POMT2: variants seen among roughly 807,000 people sequenced by gnomAD.
POMT2 encodes protein O-mannosyltransferase 2.
Under a neutral mutation model 100.0 loss-of-function variants are expected in POMT2, and 75 were observed. That is an observed-to-expected ratio of 0.75 (90% CI 0.62 to 0.91). The LOEUF (loss-of-function observed/expected upper bound fraction) is 0.91, where lower values mean the gene tolerates loss of function less well. POMT2 is among the 40% of genes least tolerant of loss of function. The pLI is 0.00. For missense variants in POMT2, 940 were observed against 955.1 expected, an observed-to-expected ratio of 0.98 and a Z score of 0.21; for synonymous variants, 378 against 374.1, an observed-to-expected ratio of 1.01 and a Z score of -0.12.
Position 77,291,301 on chromosome 14 carries a change from C to T in POMT2, c.1183+13G>A, listed in dbSNP as rs2140203548. On this transcript the variant is annotated intron_variant, in intron 10 of 20. Transcript: ENST00000261534. The stretch of plus-strand genomic sequence containing the variant: ...GTAACAGCACAAGAAGCATCAGTCT[C>T]TGACCACATTACCTGAGTTTGTGTT... 2 of 1,608,852 alleles carry T rather than the reference C, an allele frequency of 1.2e-6. No homozygotes were observed. The highest frequency in any genetic ancestry group is 2.7e-5 in the African/African-American group (2 of 73,854).
chr14:77,295,194 CCTT>C (rs1238325710), intron 9 of POMT2, among the ~76,000 whole-genome samples: 3 of 152,222 alleles, frequency 2.0e-5, no homozygotes, highest in Admixed American at 2.0e-4. Flanking sequence ...CACAAACACT[CCTT>C]AACATGGACA....
At chr14:77,311,120 T>C (rs549667127) in intron 2 of POMT2, among the ~76,000 whole-genome samples, 1 of 152,152 alleles carries the variant, frequency 6.6e-6, no homozygotes, top group African/African-American at 2.4e-5. Flanking sequence ...GTGGCAAGAG[T>C]GAAACTCTGT....
intron 1 of POMT2, among the ~76,000 whole-genome samples, chr14:77,319,006 G>A (rs543315063): frequency 6.6e-6 from 1 of 152,288 alleles, no homozygotes; most frequent in East Asian, 1.9e-4. Flanking sequence ...AAACTGCCGG[G>A]ATTACAGGTG....
At chr14:77,305,945 C>A (rs1891210725) in intron 3 of POMT2, among the ~76,000 whole-genome samples, 1 of 152,206 alleles carries the variant, frequency 6.6e-6, no homozygotes, top group African/African-American at 2.4e-5. Flanking sequence ...GTAGGCAACA[C>A]TCCAGCAGCT....
intron 13 of POMT2, 141 bp downstream of exon 13, chr14:77,285,340 T>A (rs1890383477): frequency 8.8e-7 from 1 of 1,142,662 alleles, no homozygotes; most frequent in African/African-American, 1.6e-5. Flanking sequence ...ATACACCTGA[T>A]ATCTACTCTC....
At chr14:77,291,156 T>C (rs1041537098) in intron 10 of POMT2, among the ~76,000 whole-genome samples, 158 bp downstream of exon 10, 3 of 152,120 alleles carry the variant, frequency 2.0e-5, no homozygotes, top group African/African-American at 7.2e-5. Flanking sequence ...AGTAGGTGCT[T>C]AATAAATAAT....
intron 3 of POMT2, 78 bp downstream of exon 3, chr14:77,306,259 A>G: frequency 1.3e-6 from 2 of 1,592,124 alleles, no homozygotes; most frequent in Non-Finnish European, 1.7e-6. Flanking sequence ...CCACCACGCC[A>G]GGGCTGCTAA....
intron 1 of POMT2, 74 bp downstream of exon 1, chr14:77,320,360 A>G: frequency 1.3e-6 from 2 of 1,538,416 alleles, no homozygotes; most frequent in Non-Finnish European, 1.7e-6. Context: ...CCCCCTCCGT[A>G]CCCTCGGGCC....
chr14:77,289,398 A>AAAG (rs772833793), intron 10 of POMT2, among the ~76,000 whole-genome samples: 3 of 151,326 alleles, frequency 2.0e-5, no homozygotes, highest in Non-Finnish European at 4.4e-5. Flanking sequence ...CTCCAAAAAA[A>AAAG]AAGAAGAAGA....
chr14:77,304,299 T>C (rs1034112580), intron 4 of POMT2, among the ~76,000 whole-genome samples: 4 of 152,218 alleles, frequency 2.6e-5, no homozygotes, highest in Non-Finnish European at 5.9e-5. Flanking sequence ...TTTACCTTTA[T>C]ATTCAGTTGA....
chr14:77,308,660 A>C (rs1357510899), intron 2 of POMT2: 4 of 380,748 alleles, frequency 1.1e-5, no homozygotes, highest in South Asian at 1.9e-5. Flanking sequence ...CCGGCCAACA[A>C]AGTTTTTAAA....
intron 2 of POMT2, 77 bp downstream of exon 2, chr14:77,311,872 C>G: frequency 6.4e-7 from 1 of 1,554,142 alleles, no homozygotes. Flanking sequence ...AGCCCCAAAT[C>G]CAAAATCAAG....
In POMT2 at chr14:77,320,454, C is replaced by G; in HGVS notation, c.228G>C (p.Leu76Phe). 3 of 1,546,406 alleles carry G rather than the reference C, an allele frequency of 1.9e-6. No individual in the cohort carries two copies. The highest frequency in any genetic ancestry group is 2.6e-6 in the Non-Finnish European group (3 of 1,146,944). ...CTCACCAGATGTGCGGCGGCTCGTC[C>G]AAGCGGTGGAAGCGGGTGGCGAAGG... ...LLSFATRFHRLDEPPHICWDE... is the reference protein window; with the variant it reads ...LLSFATRFHRFDEPPHICWDE... Residue 76 changes from leucine (L) to phenylalanine (F), a missense_variant, in exon 1 of 21, where the codon TTG becomes TTC. Leu to Phe is a conservative substitution (Grantham distance 22). Coordinates refer to ENST00000261534, the MANE Select transcript of POMT2 (RefSeq NM_013382.7).
chr14:77,296,300 G>C, intron 8 of POMT2, 27 bp from the exon 9 acceptor site: 1 of 1,508,932 alleles, frequency 6.6e-7, no homozygotes, highest in Non-Finnish European at 9.1e-7. Context: ...CAGCAGAGGG[G>C]TGAGCTGGCA....
chr14:77,320,611 TG>T lies in POMT2; in HGVS notation c.70del (p.Gln24ArgfsTer41). The T allele has an allele frequency of 6.3e-7, 1 of 1,589,230 alleles. No homozygotes were observed. Among genetic ancestry groups the T allele is most frequent in the Non-Finnish European group, 8.5e-7 (1 of 1,175,550 alleles). The stretch of plus-strand genomic sequence containing the variant: ...GTCCCGGCCTGCGGCCCTAGCAGCC[TG>T]GGGGCCACAGCGGCCCCTCCGGGGA... ...LRPRRGRCGP[Q>X]AARAAGRDVA... On this transcript the variant is annotated frameshift_variant, in exon 1 of 21. Transcript: ENST00000261534. LOFTEE classifies it high-confidence loss of function.
intron 8 of POMT2, among the ~76,000 whole-genome samples, chr14:77,297,603 C>T (rs767462522): frequency 2.0e-5 from 3 of 152,156 alleles, no homozygotes; most frequent in South Asian, 2.1e-4. Context: ...TGGGAGAGTC[C>T]GCTGTATTTT....
At chr14:77,302,750 G>T (rs1268901651) in intron 5 of POMT2, 85 bp downstream of exon 5, 19 of 1,119,394 alleles carry the variant, frequency 1.7e-5, no homozygotes, top group Middle Eastern at 2.7e-4. Context: ...AAGTCTCTGG[G>T]CACCCGCCCT....
chr14:77,315,563 T>C (rs1327897890), intron 1 of POMT2, among the ~76,000 whole-genome samples: 7 of 152,230 alleles, frequency 4.6e-5, no homozygotes, highest in Non-Finnish European at 8.8e-5. Flanking sequence ...CTTCCAGTGC[T>C]GAATGTATAG....
chr14:77,287,632 G>A (rs1218604519), intron 11 of POMT2: 1 of 150,980 alleles, frequency 6.6e-6, no homozygotes, highest in Non-Finnish European at 1.5e-5. Context: ...AAATGTTTAC[G>A]GGGCTGCTCC....
Sources: allele counts gnomAD v4.1 joint callset (sites outside exome capture counted in the v4.1 genomes callset), GRCh38; gene constraint gnomAD v4.1.1; transcripts MANE v1.5; gene names NCBI Gene and HGNC (gene_info 2026-07-23, HGNC 2026-07-21).